NEK1: variants seen among roughly 807,000 people sequenced by gnomAD.
NEK1 encodes the protein NIMA related kinase 1.
A neutral mutation model predicts 182.1 loss-of-function variants in NEK1; 137 were observed. That is an observed-to-expected ratio of 0.75 (90% CI 0.65 to 0.87). The LOEUF is 0.87. NEK1 is among the 40% of genes least tolerant of loss of function. The probability of loss-of-function intolerance (pLI) is 0.00; values close to 1 mark genes in which losing one functional copy is unlikely to be tolerated. For synonymous variants in NEK1, 513 were observed against 492.2 expected (o/e 1.04, Z -0.56); for missense variants, 1,391 against 1,494.4 (o/e 0.93, Z 1.14).
chr4:169,417,926 G>A (rs1734812501), intron 31 of NEK1, among the ~76,000 whole-genome samples: 2 of 152,144 alleles, frequency 1.3e-5, no homozygotes, highest in African/African-American at 4.8e-5. Context: ...GTCCAGGGAG[G>A]TAGAACTAGA....
chr4:169,550,268 T>G (rs149394130), intron 18 of NEK1, among the ~76,000 whole-genome samples: 171 of 152,344 alleles, frequency 1.1e-3, no homozygotes, highest in African/African-American at 3.1e-3. Flanking sequence ...ACTTCTCCTT[T>G]GCCTTCTACC....
At chr4:169,592,128 G>C (rs7678155) in intron 5 of NEK1, among the ~76,000 whole-genome samples, 148,475 of 152,282 alleles carry the variant, frequency 0.97, 72,474 homozygotes, top group East Asian at 1. Flanking sequence ...AAGCCTTTTT[G>C]TCACAGGTGT....
rs551627311 is a variant in NEK1 at position 169,461,512 on chromosome 4, T to G, written c.2587+1731A>C. Among the ~76,000 whole-genome samples the G allele has an allele frequency of 2.0e-5, 3 of 152,242 alleles. No individual in the cohort carries two copies. In the East Asian group the frequency reaches 5.8e-4, roughly 29 times the overall value. ...ATAAAGGCATATAGTACTGATAAAG[T>G]AAAGCTACCTCAGCTGTGGCCGCAG... On this transcript the variant is annotated intron_variant, in intron 27 of 35. Coordinates refer to ENST00000507142, the MANE Select transcript of NEK1 (RefSeq NM_001199397.3).
intron 28 of NEK1, among the ~76,000 whole-genome samples, chr4:169,436,726 T>C (rs542469611): frequency 5.8e-4 from 88 of 152,264 alleles, no homozygotes; most frequent in Middle Eastern, 3.4e-3. Context: ...GACAGTAGGG[T>C]GTGGCCTCAG....
chr4:169,477,680 A>G (rs971132590), intron 24 of NEK1, among the ~76,000 whole-genome samples, 183 bp from the exon 25 acceptor site: 3 of 152,034 alleles, frequency 2.0e-5, no homozygotes, highest in African/African-American at 4.8e-5. Context: ...AAATATTATT[A>G]ATTAGACAAC....
chr4:169,514,553 A>G (rs1409069273), intron 19 of NEK1, among the ~76,000 whole-genome samples: 1 of 152,232 alleles, frequency 6.6e-6, no homozygotes, highest in Non-Finnish European at 1.5e-5. Flanking sequence ...TAAAACAGTT[A>G]TAGGAAAATT....
At chr4:169,601,985 C>G in intron 4 of NEK1, 23 bp downstream of exon 4, 8 of 1,513,480 alleles carry the variant, frequency 5.3e-6, no homozygotes, top group Non-Finnish European at 7.3e-6. Context: ...GATTTTTTAA[C>G]TCTCTCGCAT....
At chr4:169,408,388 C>A (rs1408995376) in intron 31 of NEK1, among the ~76,000 whole-genome samples, 1 of 152,150 alleles carries the variant, frequency 6.6e-6, no homozygotes, top group African/African-American at 2.4e-5. Flanking sequence ...AGTCCCCCCA[C>A]CTACTCCCCC....
At chr4:169,394,544 T>C (rs753004145) in intron 35 of NEK1, 21 bp from the exon 36 acceptor site, 4 of 1,371,976 alleles carry the variant, frequency 2.9e-6, no homozygotes, top group South Asian at 2.7e-5. Context: ...AAGAAAAAAA[T>C]TGACTTCATT....
chr4:169,445,045 T>C (rs7654377), intron 27 of NEK1, among the ~76,000 whole-genome samples: 31,922 of 152,034 alleles, frequency 0.21, 3,823 homozygotes, highest in African/African-American at 0.33. Flanking sequence ...ATGGATTTCA[T>C]GAAACAAATG....
At position 169,585,415 on chromosome 4, in the gene NEK1, T is replaced by C. The variant is rs1767372486; in HGVS notation, c.741A>G (p.Pro247=). ...CTTTCTCCAATATGGAGTTGACTGA[T>C]GGTCTATCCCTAGGATTTCTTTTAA... is the stretch of plus-strand genomic sequence containing the variant. The part of the protein sequence containing the change: ...QLFKRNPRDR[P]SVNSILEKGF... Residue 247 remains proline, a synonymous_variant, in exon 10 of 36, where the codon CCA becomes CCG. Transcript: ENST00000507142. 1.2e-6 allele frequency: 2 copies of C among 1,613,632 alleles called. No homozygotes were observed. Among genetic ancestry groups the C allele is most frequent in the Non-Finnish European group, 1.7e-6 (2 of 1,179,752 alleles).
chr4:169,593,643 A>T (rs1188993642), intron 5 of NEK1, among the ~76,000 whole-genome samples: 1 of 152,210 alleles, frequency 6.6e-6, no homozygotes, highest in Non-Finnish European at 1.5e-5. Flanking sequence ...CTCTTGCTAC[A>T]TTAGGGTTTG....
chr4:169,544,524 A>G (rs571689094), intron 18 of NEK1, among the ~76,000 whole-genome samples: 19 of 151,432 alleles, frequency 1.3e-4, no homozygotes, highest in Non-Finnish European at 2.6e-4. Flanking sequence ...ATTGTTTGCA[A>G]TAGTTTCAGA....
intron 12 of NEK1, among the ~76,000 whole-genome samples, chr4:169,566,126 C>T (rs528196780): frequency 6.6e-4 from 101 of 152,074 alleles, no homozygotes; most frequent in African/African-American, 2.3e-3. Flanking sequence ...CAACACCAAA[C>T]AATTAAGCAA....
At chr4:169,578,746 TA>T (rs1331024276) in intron 11 of NEK1, among the ~76,000 whole-genome samples, 1 of 152,174 alleles carries the variant, frequency 6.6e-6, no homozygotes, top group Non-Finnish European at 1.5e-5. Flanking sequence ...GTTTTAAAAA[TA>T]AAAACAATAT....
intron 27 of NEK1, among the ~76,000 whole-genome samples, chr4:169,445,658 G>C (rs72973025): frequency 6.6e-6 from 1 of 151,080 alleles, no homozygotes; most frequent in Non-Finnish European, 1.5e-5. Context: ...ATAATAAGAT[G>C]ATGAGGACTC....
intron 2 of NEK1, among the ~76,000 whole-genome samples, chr4:169,611,567 A>T (rs1772329591): frequency 6.6e-6 from 1 of 152,234 alleles, no homozygotes; most frequent in Non-Finnish European, 1.5e-5. Context: ...AAGAACAAAA[A>T]ATAGGCCTGC....
At chr4:169,562,830 T>G (rs1408458749) in intron 12 of NEK1, among the ~76,000 whole-genome samples, 1 of 152,180 alleles carries the variant, frequency 6.6e-6, no homozygotes, top group Non-Finnish European at 1.5e-5. Flanking sequence ...ATGGTATATA[T>G]TAGATATTTA....
intron 12 of NEK1, among the ~76,000 whole-genome samples, chr4:169,572,373 G>A (rs530348960): frequency 6.6e-5 from 10 of 152,286 alleles, no homozygotes; most frequent in Non-Finnish European, 1.2e-4. Flanking sequence ...GAAGGGCAGA[G>A]TTCCCATTTA....
Sources: allele counts gnomAD v4.1 joint callset (sites outside exome capture counted in the v4.1 genomes callset), GRCh38; gene constraint gnomAD v4.1.1; transcripts MANE v1.5; gene names NCBI Gene and HGNC (gene_info 2026-07-23, HGNC 2026-07-21).